The following AUTS2 variants were observed in gnomAD, a reference collection of about 807,000 sequenced individuals.
AUTS2 encodes activator of transcription and developmental regulator AUTS2, also known as autism susceptibility gene 2 protein.
A neutral mutation model predicts 112.4 loss-of-function variants in AUTS2; 17 were observed. That is an observed-to-expected ratio of 0.15 (90% CI 0.10 to 0.23). AUTS2 has a LOEUF of 0.23. Among genes scored for constraint, AUTS2 ranks in the 10% least tolerant of loss-of-function variants. The pLI is 1.00. For synonymous variants in AUTS2, 751 were observed against 702.7 expected, an observed-to-expected ratio of 1.07 and a Z score of -1.09; for missense variants, 1,510 against 1,701.6, an observed-to-expected ratio of 0.89 and a Z score of 1.98.
At chr7:69,831,493 C>G (rs1791498986) in intron 1 of AUTS2, among the ~76,000 whole-genome samples, 2 of 152,118 alleles carry the variant, frequency 1.3e-5, no homozygotes, top group Non-Finnish European at 2.9e-5. Flanking sequence ...GCTTCTTGGA[C>G]TCTGGCTACT....
chr7:70,020,114 A>G (rs1450060899), intron 2 of AUTS2, among the ~76,000 whole-genome samples: 1 of 152,228 alleles, frequency 6.6e-6, no homozygotes, highest in Non-Finnish European at 1.5e-5. Context: ...ATGTTGATGC[A>G]TAGGGACACG....
chr7:70,762,914 G>C lies in AUTS2; in HGVS notation c.787G>C (p.Asp263His). ...CACGCTACCAGAACATGACAGCCAG[G>C]ATGCAGGGCCGATTGTCCCCAAGAT... ...VGTLPEHDSQDAGPIVPKISG... is the reference protein window; with the variant it reads ...VGTLPEHDSQHAGPIVPKISG... The change falls in exon 7 of 19, where the codon GAT (aspartate) becomes CAT (histidine). Residue 263 changes from aspartate to histidine, a missense_variant. Coordinates refer to ENST00000342771, the MANE Select transcript of AUTS2 (RefSeq NM_015570.4). 4 of 1,614,124 alleles carry C rather than the reference G, an allele frequency of 2.5e-6. No individual in the cohort carries two copies. Among genetic ancestry groups the C allele is most frequent in the Non-Finnish European group, 3.4e-6 (4 of 1,180,028 alleles).
At chr7:70,579,410 T>A (rs960046693) in intron 5 of AUTS2, among the ~76,000 whole-genome samples, 5 of 152,046 alleles carry the variant, frequency 3.3e-5, no homozygotes, top group Non-Finnish European at 5.9e-5. Flanking sequence ...TCTTAAGGAC[T>A]TTTTTTCTTG....
intron 5 of AUTS2, among the ~76,000 whole-genome samples, chr7:70,609,843 T>C (rs113920586): frequency 0.012 from 1,770 of 152,348 alleles, 25 homozygotes; most frequent in African/African-American, 0.039. Flanking sequence ...TCTTGGCTAA[T>C]ATGAATAATG....
chr7:69,888,567 ATATATG>A (rs1400024881), intron 1 of AUTS2, among the ~76,000 whole-genome samples: 2 of 136,340 alleles, frequency 1.5e-5, no homozygotes, highest in East Asian at 2.2e-4. Flanking sequence ...ATATATATAT[ATATATG>A]TATGGTTTTT....
At chr7:69,820,465 T>G (rs547233637) in intron 1 of AUTS2, among the ~76,000 whole-genome samples, 3 of 152,262 alleles carry the variant, frequency 2.0e-5, no homozygotes, top group Non-Finnish European at 2.9e-5. Context: ...TTTTACAAAC[T>G]CTGCAGGTGA....
intron 4 of AUTS2, among the ~76,000 whole-genome samples, chr7:70,381,677 T>G (rs2129632645): frequency 6.6e-6 from 1 of 152,182 alleles, no homozygotes; most frequent in East Asian, 1.9e-4. Context: ...ATTAAGAAAA[T>G]TTTAGAAAAT....
intron 4 of AUTS2, among the ~76,000 whole-genome samples, chr7:70,310,377 A>C (rs1410876503): frequency 6.6e-6 from 1 of 152,072 alleles, no homozygotes; most frequent in South Asian, 2.1e-4. Flanking sequence ...TTGGGAGGCC[A>C]AGGTGGGCGG....
At chr7:70,070,408 T>TA (rs58320845) in intron 2 of AUTS2, among the ~76,000 whole-genome samples, 3,500 of 128,404 alleles carry the variant, frequency 0.027, 70 homozygotes, top group East Asian at 0.074. Flanking sequence ...CCCCGTCTCT[T>TA]AAAAAAAAAA....
Position 69,936,450 on chromosome 7 carries a change from C to T in AUTS2, c.522+36952C>T, listed in dbSNP as rs576157406. Among the ~76,000 whole-genome samples the T allele has an allele frequency of 3.9e-5, 6 of 152,096 alleles. No individual in the cohort carries two copies. In the South Asian group the frequency reaches 6.2e-4, roughly 16 times the overall value. Reference sequence around the variant, plus strand: ...TTGCAAGCTCCACCTCCTGGGTTCACGCCATTCTCCTGCCTCAGCCTCCCG... The same window carrying T: ...TTGCAAGCTCCACCTCCTGGGTTCATGCCATTCTCCTGCCTCAGCCTCCCG... On this transcript the variant is annotated intron_variant, in intron 2 of 18. Transcript: ENST00000342771.
At chr7:70,436,086 A>G (rs1795882762) in intron 5 of AUTS2, 2 of 301,028 alleles carry the variant, frequency 6.6e-6, no homozygotes, top group Middle Eastern at 9.2e-4. Context: ...ATTTATTTTA[A>G]TAACCATCTG....
intron 4 of AUTS2, among the ~76,000 whole-genome samples, chr7:70,224,402 TATA>T (rs1474324451): frequency 1.4e-5 from 2 of 148,084 alleles, no homozygotes; most frequent in Non-Finnish European, 3.0e-5. Flanking sequence ...TACAATACAA[TATA>T]ATACCATACA....
At chr7:70,130,877 A>C (rs1806236022) in intron 3 of AUTS2, among the ~76,000 whole-genome samples, 1 of 152,180 alleles carries the variant, frequency 6.6e-6, no homozygotes, top group African/African-American at 2.4e-5. Context: ...TACCTACTGC[A>C]TTGAAAATAT....
intron 2 of AUTS2, among the ~76,000 whole-genome samples, chr7:70,049,435 T>C (rs908547641): frequency 1.3e-5 from 2 of 151,978 alleles, no homozygotes; most frequent in African/African-American, 2.4e-5. Context: ...GTTCAAGTGA[T>C]TCTCCTGCCT....
At chr7:69,970,012 T>C (rs1298589460) in intron 2 of AUTS2, among the ~76,000 whole-genome samples, 4 of 152,198 alleles carry the variant, frequency 2.6e-5, no homozygotes. Flanking sequence ...ACTGTTCACT[T>C]GTGATCACTG....
chr7:70,478,945 T>TA (rs1350581832), intron 5 of AUTS2, among the ~76,000 whole-genome samples: 1 of 152,180 alleles, frequency 6.6e-6, no homozygotes, highest in Non-Finnish European at 1.5e-5. Flanking sequence ...GCCAGACCCT[T>TA]AACTTCGCAC....
chr7:70,412,241 T>G (rs571734385), intron 4 of AUTS2, among the ~76,000 whole-genome samples: 5 of 152,176 alleles, frequency 3.3e-5, no homozygotes, highest in Admixed American at 6.5e-5. Flanking sequence ...AATTTGGCCT[T>G]CAACAAACTA....
chr7:70,324,171 C>T (rs1485882765), intron 4 of AUTS2, among the ~76,000 whole-genome samples: 1 of 152,068 alleles, frequency 6.6e-6, no homozygotes, highest in African/African-American at 2.4e-5. Flanking sequence ...GAAAACTAGG[C>T]CGTACATTTT....
chr7:69,743,617 ATC>A (rs1234635362), intron 1 of AUTS2, among the ~76,000 whole-genome samples: 6 of 151,130 alleles, frequency 4.0e-5, no homozygotes, highest in African/African-American at 1.5e-4. Context: ...AAATTCCCTT[ATC>A]TCTTTCCCAG....
Sources: gnomAD v4.1 joint callset for allele counts (sites outside exome capture counted in the v4.1 genomes callset) on GRCh38, gnomAD v4.1.1 for gene constraint, MANE v1.5 for transcripts, NCBI Gene and HGNC (gene_info 2026-07-23, HGNC 2026-07-21) for gene names.